DCC: variants seen among roughly 807,000 people sequenced by gnomAD.
DCC encodes the protein DCC netrin 1 receptor.
A neutral mutation model predicts 172.5 loss-of-function variants in DCC; 58 were observed. The observed-to-expected ratio is 0.34, with a 90% CI of 0.27 to 0.42. The LOEUF (loss-of-function observed/expected upper bound fraction) is 0.42. Among genes scored for constraint, DCC ranks in the 10% least tolerant of loss-of-function variants. The pLI is 1.00. For synonymous variants in DCC, 709 were observed against 644.5 expected, an observed-to-expected ratio of 1.10 and a Z score of -1.52; for missense variants, 1,740 against 1,791.0, an observed-to-expected ratio of 0.97 and a Z score of 0.51.
chr18:53,212,444 A>G lies in DCC; in HGVS notation c.1862-3104A>G, dbSNP rs71368916. On this transcript the variant is annotated intron_variant, in intron 11 of 28. Coordinates refer to ENST00000442544, the MANE Select transcript of DCC (RefSeq NM_005215.4). ...TATTGTATCTATCTATCTCCAAATA[A>G]TATGGAAATTGATAGTGAGAAGGAG... Among the ~76,000 whole-genome samples the G allele has an allele frequency of 1.4e-3, 206 of 152,260 alleles. 2 individuals carry two copies. The highest frequency in any genetic ancestry group is 0.012 in the South Asian group (59 of 4,816).
rs76321491 is a variant in DCC at position 53,145,206 on chromosome 18, C to T, written c.1262-12150C>T. ...CTCGGCTCACTGCAAGCTCCGCCTCCCGGTTCTCGCCATTCTCCTGCCTCA... is the reference window on the plus strand; with the variant it reads ...CTCGGCTCACTGCAAGCTCCGCCTCTCGGTTCTCGCCATTCTCCTGCCTCA... On this transcript the variant is annotated intron_variant, in intron 7 of 28. Transcript: ENST00000442544. 4.4e-4 allele frequency among the ~76,000 whole-genome samples: 66 copies of T among 150,808 alleles called. No individual in the cohort carries two copies. The East Asian group carries it at 0.011, about 24-fold the overall frequency.
intron 2 of DCC, among the ~76,000 whole-genome samples, chr18:52,829,516 C>T (rs1178130816): frequency 2.0e-5 from 3 of 152,102 alleles, no homozygotes; most frequent in Non-Finnish European, 1.5e-5. Flanking sequence ...ATGATTCATA[C>T]TATTGATTCA....
chr18:53,136,112 T>C (rs1307530566), intron 7 of DCC, among the ~76,000 whole-genome samples: 1 of 144,500 alleles, frequency 6.9e-6, no homozygotes, highest in African/African-American at 2.8e-5. Flanking sequence ...TGTAAATATC[T>C]GCAGTTGTAA....
At chr18:52,669,402 AG>A (rs1171836737) in intron 1 of DCC, among the ~76,000 whole-genome samples, 1 of 152,216 alleles carries the variant, frequency 6.6e-6, no homozygotes, top group African/African-American at 2.4e-5. Context: ...TCAGGCAAGA[AG>A]GAGATTTGTT....
At chr18:52,466,406 G>A (rs377449841) in intron 1 of DCC, among the ~76,000 whole-genome samples, 82 of 152,188 alleles carry the variant, frequency 5.4e-4, no homozygotes, top group African/African-American at 2.0e-3. Context: ...TGGGAAACTC[G>A]AAAAACATTT....
At chr18:52,998,566 T>C (rs1479826141) in intron 5 of DCC, among the ~76,000 whole-genome samples, 1 of 152,060 alleles carries the variant, frequency 6.6e-6, no homozygotes, top group East Asian at 1.9e-4. Flanking sequence ...TCCAGTATAA[T>C]GGATCCCTTC....
intron 15 of DCC, among the ~76,000 whole-genome samples, chr18:53,358,665 T>C (rs34240587): frequency 6.6e-6 from 1 of 150,422 alleles, no homozygotes; most frequent in Non-Finnish European, 1.5e-5. Context: ...GGATTACAGG[T>C]GCCTGCCACC....
intron 15 of DCC, among the ~76,000 whole-genome samples, chr18:53,344,672 T>C (rs753608182): frequency 6.6e-6 from 1 of 151,740 alleles, no homozygotes; most frequent in Non-Finnish European, 1.5e-5. Context: ...GAACTCCTGA[T>C]GTCATGATCC....
At chr18:53,275,239 C>T (rs1039580563) in intron 12 of DCC, among the ~76,000 whole-genome samples, 5 of 152,004 alleles carry the variant, frequency 3.3e-5, no homozygotes, top group Non-Finnish European at 7.4e-5. Flanking sequence ...CATATTTAGC[C>T]AACTGCTAGA....
intron 1 of DCC, among the ~76,000 whole-genome samples, chr18:52,343,907 G>C (rs556324329): frequency 6.6e-6 from 1 of 151,134 alleles, no homozygotes; most frequent in Non-Finnish European, 1.5e-5. Context: ...GGGTAGGCTG[G>C]CAGTCCACTC....
At chr18:53,002,804 G>A (rs950281005) in intron 5 of DCC, among the ~76,000 whole-genome samples, 9 of 152,226 alleles carry the variant, frequency 5.9e-5, no homozygotes, top group East Asian at 3.9e-4. Context: ...GGGAGAGGTC[G>A]AAATGATGGA....
At chr18:52,766,649 A>C (rs1316403836) in intron 2 of DCC, among the ~76,000 whole-genome samples, 1 of 151,968 alleles carries the variant, frequency 6.6e-6, no homozygotes, top group African/African-American at 2.4e-5. Context: ...TGTTCCTCTG[A>C]AGTCAAGCCA....
rs1289643900 is a variant in DCC at position 53,357,395 on chromosome 18, TC to T, written c.2359+17494del. On this transcript the variant is annotated intron_variant, in intron 15 of 28. Transcript: ENST00000442544. The stretch of plus-strand genomic sequence containing the variant: ...AAATTACAATGTTAACTTCAGCATC[TC>T]CCCCCATCAAAAAATCCCTTCATGC... Among the ~76,000 whole-genome samples, 4 of 151,966 alleles carry T rather than the reference TC, an allele frequency of 2.6e-5. No homozygotes were observed. In the South Asian group the frequency reaches 6.2e-4, roughly 24 times the overall value.
chr18:53,390,241 CTCTT>C (rs1182719844), intron 16 of DCC, among the ~76,000 whole-genome samples: 2 of 114,802 alleles, frequency 1.7e-5, no homozygotes, highest in Non-Finnish European at 4.1e-5. Context: ...AAACACAACT[CTCTT>C]TCTCTTTCTC....
At chr18:52,623,175 TA>T (rs2034512113) in intron 1 of DCC, among the ~76,000 whole-genome samples, 1 of 152,060 alleles carries the variant, frequency 6.6e-6, no homozygotes, top group African/African-American at 2.4e-5. Flanking sequence ...AAAAAGAAAA[TA>T]AAAACTTTGA....
intron 14 of DCC, among the ~76,000 whole-genome samples, chr18:53,326,673 C>A (rs552727223): frequency 2.2e-4 from 34 of 152,196 alleles, no homozygotes; most frequent in African/African-American, 8.2e-4. Context: ...ATGTTTAAAT[C>A]ATAAAATAAG....
chr18:52,524,672 T>C (rs1568212145), intron 1 of DCC, among the ~76,000 whole-genome samples: 1 of 152,324 alleles, frequency 6.6e-6, no homozygotes, highest in East Asian at 1.9e-4. Context: ...TTTATCCCTC[T>C]GGTGATGAAC....
At chr18:52,927,254 CAT>C (rs767532837) in intron 5 of DCC, among the ~76,000 whole-genome samples, 12 of 137,418 alleles carry the variant, frequency 8.7e-5, no homozygotes, top group Admixed American at 4.3e-4. Context: ...TACATATACA[CAT>C]ATATGCACAT....
intron 1 of DCC, among the ~76,000 whole-genome samples, chr18:52,638,183 C>G (rs1326000289): frequency 6.6e-6 from 1 of 152,056 alleles, no homozygotes; most frequent in African/African-American, 2.4e-5. Flanking sequence ...AATCTTGAAA[C>G]AAATCCTGGA....
Sources: allele counts gnomAD v4.1 joint callset (sites outside exome capture counted in the v4.1 genomes callset), GRCh38; gene constraint gnomAD v4.1.1; transcripts MANE v1.5; gene names NCBI Gene and HGNC (gene_info 2026-07-23, HGNC 2026-07-21).